The following ETFBKMT variants were observed in gnomAD, a reference collection of about 807,000 sequenced individuals.
ETFBKMT encodes the protein electron transfer flavoprotein beta subunit lysine methyltransferase.
In ETFBKMT, 13 loss-of-function variants were observed where a neutral mutation model predicts 18.3. That is an observed-to-expected ratio of 0.71 (90% CI 0.46 to 1.13). The LOEUF is 1.13. Ranked by LOEUF, ETFBKMT falls within the 50% of genes most tolerant of loss-of-function variation. The pLI is 0.00. For synonymous variants in ETFBKMT, 84 were observed against 107.9 expected, an observed-to-expected ratio of 0.78 and a Z score of 1.37; for missense variants, 293 against 306.2, an observed-to-expected ratio of 0.96 and a Z score of 0.32.
In ETFBKMT at chr12:31,668,009, A is replaced by C; in HGVS notation, c.*19A>C. ...GCCTTGAGTTGTCAAAGTGCTTCCA[A>C]GTATGAATATAGTAATGTTTGGATC... On this transcript the variant is annotated 3_prime_UTR_variant, in exon 4 of 4. Transcript: ENST00000357721. 6.3e-7 allele frequency: 1 copy of C among 1,593,464 alleles called. No individual in the cohort carries two copies. Among genetic ancestry groups the C allele is most frequent in the South Asian group, 1.1e-5 (1 of 89,676 alleles).
chr12:31,648,256 T>G (rs1950983627), intron 1 of ETFBKMT, among the ~76,000 whole-genome samples: 1 of 152,214 alleles, frequency 6.6e-6, no homozygotes, highest in South Asian at 2.1e-4. Context: ...CCCCTGAGGA[T>G]ATCAAAATCC....
chr12:31,666,301 C>T (rs1951195765), intron 3 of ETFBKMT, 84 bp downstream of exon 3: 1 of 1,379,944 alleles, frequency 7.2e-7, no homozygotes, highest in African/African-American at 1.5e-5. Flanking sequence ...AGTGTGGTAG[C>T]TTATCGTTAT....
chr12:31,658,608 T>C (rs928846115), upstream of ETFBKMT, among the ~76,000 whole-genome samples: 7 of 152,168 alleles, frequency 4.6e-5, no homozygotes, highest in African/African-American at 1.7e-4. Flanking sequence ...CAGGTGCCAG[T>C]GCATTTCTCA....
In ETFBKMT at chr12:31,661,896, T is replaced by G; in HGVS notation, c.-58T>G. The G allele has an allele frequency of 2.6e-6, 4 of 1,518,608 alleles. No individual in the cohort carries two copies. Among genetic ancestry groups the G allele is most frequent in the African/African-American group, 1.4e-5 (1 of 72,242 alleles). The allele number at this position is 1,518,608 out of a possible 1,614,324, so 94.1% of individuals were successfully genotyped here. On this transcript the variant is annotated 5_prime_UTR_variant, in exon 2 of 4. Transcript: ENST00000357721. ...GAGACACACCCTTGTTCATTCTCCT[T>G]GAGAAGCAGCTATTATCAACAGAAC...
upstream of ETFBKMT, among the ~76,000 whole-genome samples, chr12:31,657,527 C>T (rs1286927394): frequency 2.6e-5 from 4 of 152,128 alleles, no homozygotes; most frequent in Admixed American, 2.6e-4. Flanking sequence ...GTCGCAGTGG[C>T]TCACACCTGT....
chr12:31,648,236 C>T (rs374886633), intron 1 of ETFBKMT, among the ~76,000 whole-genome samples: 7 of 152,102 alleles, frequency 4.6e-5, no homozygotes, highest in East Asian at 1.9e-4. Context: ...ACAGGGGATT[C>T]GTTTCAGGAC....
intron 1 of ETFBKMT, among the ~76,000 whole-genome samples, chr12:31,648,572 TTTTTTTTTTGA>T (rs1445986033): frequency 7.8e-6 from 1 of 128,598 alleles, no homozygotes; most frequent in Non-Finnish European, 1.8e-5. Context: ...TTTTTTTTTT[TTTTTTTTTTGA>T]GACGGAGTCT....
chr12:31,653,073 G>A (rs928769157), intron 1 of ETFBKMT, among the ~76,000 whole-genome samples: 7 of 152,206 alleles, frequency 4.6e-5, no homozygotes, highest in Non-Finnish European at 1.0e-4. Flanking sequence ...GCCGGCCTTG[G>A]CGGCATGCGC....
Position 31,670,431 on chromosome 12 carries a change from G to A in ETFBKMT, c.*2441G>A, listed in dbSNP as rs963873896. The stretch of plus-strand genomic sequence containing the variant: ...TCTTTATATTAGAAAATATAAATCA[G>A]ACTAGAGACTGGAAATTTTTGTTGT... On this transcript the variant is annotated 3_prime_UTR_variant, in exon 4 of 4. Transcript: ENST00000357721. 2 of 151,840 alleles carry A rather than the reference G, an allele frequency of 1.3e-5. No individual in the cohort carries two copies. Among genetic ancestry groups the A allele is most frequent in the African/African-American group, 4.8e-5 (2 of 41,380 alleles). The allele number at this position is 151,840 out of a possible 1,614,324, so 9.4% of individuals were successfully genotyped here. A position where few individuals can be genotyped will look rare whatever the true frequency, so the allele number is the denominator to read the frequency against.
rs2139621001 is a variant in ETFBKMT at position 31,662,011 on chromosome 12, G to C, written c.58G>C (p.Ala20Pro). Residue 20 changes from alanine to proline, a missense_variant, in exon 2 of 4, where the codon GCT (alanine) becomes CCT (proline). By Grantham distance (27) the Ala-to-Pro change is conservative. Transcript: ENST00000357721. ...GAACCACTGTGGTCTCCTCTTGCAGGCTCTGCGAAGCAGTGGTCTTCTCTT... is the reference window on the plus strand; with the variant it reads ...GAACCACTGTGGTCTCCTCTTGCAGCCTCTGCGAAGCAGTGGTCTTCTCTT... ...HRNHCGLLLQ[A>P]LRSSGLLLFP... The C allele has an allele frequency of 1.2e-6, 2 of 1,614,226 alleles. No homozygotes were observed.
At chr12:31,664,506 A>C (rs1951168660) in intron 2 of ETFBKMT, among the ~76,000 whole-genome samples, 1 of 152,214 alleles carries the variant, frequency 6.6e-6, no homozygotes, top group South Asian at 2.1e-4. Context: ...AGTCTCAACC[A>C]GTCAAGGTTT....
upstream of ETFBKMT, among the ~76,000 whole-genome samples, chr12:31,656,395 A>G (rs993520347): frequency 6.6e-6 from 1 of 151,976 alleles, no homozygotes; most frequent in African/African-American, 2.4e-5. Context: ...GAGAGGGGAG[A>G]AGAGGAGTGT....
intron 1 of ETFBKMT, among the ~76,000 whole-genome samples, chr12:31,651,291 G>A (rs1437768691): frequency 6.7e-6 from 1 of 148,262 alleles, no homozygotes; most frequent in African/African-American, 2.5e-5. Context: ...AAATTCCTTT[G>A]AGAAAGATGC....
Position 31,662,100 on chromosome 12 carries a change from T to C in ETFBKMT, c.147T>C (p.Ala49=), listed in dbSNP as rs1382931388. The part of the protein sequence containing the change: ...AGSFLDPEIK[A]FLEENTEVTS... The stretch of plus-strand genomic sequence containing the variant: ...GCTTTTTGGACCCTGAGATAAAGGC[T>C]TTCCTGGAGGAGAACACTGAAGTCA... Residue 49 remains alanine (A), a synonymous_variant, in exon 2 of 4, where the codon GCT becomes GCC. Coordinates refer to ENST00000357721, the MANE Select transcript of ETFBKMT (RefSeq NM_001135863.2). 6.2e-7 allele frequency: 1 copy of C among 1,614,202 alleles called. No individual in the cohort carries two copies. The highest frequency in any genetic ancestry group is 1.7e-5 in the Admixed American group (1 of 60,018).
At position 31,667,666 on chromosome 12, in the gene ETFBKMT, AC is replaced by A. The variant is rs1346649294; in HGVS notation, c.466del (p.Leu156Ter). On this transcript the variant is annotated frameshift_variant, in exon 4 of 4. Coordinates refer to ENST00000357721, the MANE Select transcript of ETFBKMT (RefSeq NM_001135863.2). LOFTEE classifies it low-confidence loss of function (END_TRUNC). ...TTTAAGTTGCAGGAATGGCTATTAC[AC>A]TAAATTGTGAATTGAACAGACTGAA... is the stretch of plus-strand genomic sequence containing the variant. The part of the protein sequence containing the change: ...IDPIAGMAIT[L>X]NCELNRLNPF... 1 of 1,610,706 alleles carries A rather than the reference AC, an allele frequency of 6.2e-7. No individual in the cohort carries two copies. The highest frequency in any genetic ancestry group is 1.7e-5 in the Admixed American group (1 of 59,358).
Position 31,668,289 on chromosome 12 carries a change from G to A in ETFBKMT, c.*299G>A, listed in dbSNP as rs1267425298. On this transcript the variant is annotated 3_prime_UTR_variant, in exon 4 of 4. Coordinates refer to ENST00000357721, the MANE Select transcript of ETFBKMT (RefSeq NM_001135863.2). ...GGCAGCATTTAATTTAAGTAATGGA[G>A]AAGAATTAAACATTGTAGCTGGATC... 3.9e-6 allele frequency: 1 copy of A among 255,360 alleles called. No homozygotes were observed. The highest frequency in any genetic ancestry group is 2.2e-5 in the African/African-American group (1 of 44,862). 15.8% of individuals were successfully genotyped at this position (255,360 alleles called of 1,614,324 possible).
chr12:31,653,075 G>A (rs1379654010), intron 1 of ETFBKMT, among the ~76,000 whole-genome samples: 2 of 152,294 alleles, frequency 1.3e-5, no homozygotes, highest in African/African-American at 2.4e-5. Context: ...CGGCCTTGGC[G>A]GCATGCGCCT....
rs1951221668 is a variant in ETFBKMT at position 31,668,048 on chromosome 12, T to G, written c.*58T>G. 1.4e-6 allele frequency: 2 copies of G among 1,389,476 alleles called. No individual in the cohort carries two copies. The highest frequency in any genetic ancestry group is 4.6e-5 in the East Asian group (2 of 43,444). The allele number at this position is 1,389,476 out of a possible 1,614,324, so 86.1% of individuals were successfully genotyped here. On this transcript the variant is annotated 3_prime_UTR_variant, in exon 4 of 4. Transcript: ENST00000357721. ...AATGTTTGGATCTGACTCTAAAAGT[T>G]TTCTCTATAGGAGATACTCTCCAGT...
At chr12:31,648,986 A>ATT (rs35506567) in intron 1 of ETFBKMT, among the ~76,000 whole-genome samples, 21 of 151,172 alleles carry the variant, frequency 1.4e-4, no homozygotes, top group East Asian at 3.9e-4. Flanking sequence ...CAATAGTTGT[A>ATT]TTTTTTTTGG....
Sources: allele counts gnomAD v4.1 joint callset (sites outside exome capture counted in the v4.1 genomes callset), GRCh38; gene constraint gnomAD v4.1.1; transcripts MANE v1.5; gene names NCBI Gene and HGNC (gene_info 2026-07-23, HGNC 2026-07-21).